The following AUTS2 variants were observed in gnomAD, a reference collection of about 807,000 sequenced individuals.
The protein encoded by AUTS2 is autism susceptibility gene 2 protein.
A neutral mutation model predicts 112.4 loss-of-function variants in AUTS2; 17 were observed. The ratio of observed to expected loss-of-function variants is 0.15; its 90% CI spans 0.10 to 0.23. AUTS2 has a LOEUF of 0.23. Ranked by LOEUF, AUTS2 falls within the 10% of genes least tolerant of loss-of-function variation. AUTS2 has a pLI of 1.00. For synonymous variants in AUTS2, 751 were observed against 702.7 expected, an observed-to-expected ratio of 1.07 and a Z score of -1.09; for missense variants, 1,510 against 1,701.6, an observed-to-expected ratio of 0.89 and a Z score of 1.98.
At chr7:70,625,794 A>G (rs1372028926) in intron 5 of AUTS2, among the ~76,000 whole-genome samples, 3 of 152,234 alleles carry the variant, frequency 2.0e-5, no homozygotes, top group Non-Finnish European at 4.4e-5. Context: ...ACCATATCCA[A>G]TTGTGAGCAA....
At chr7:69,663,835 G>C (rs544624607) in intron 1 of AUTS2, among the ~76,000 whole-genome samples, 1 of 152,290 alleles carries the variant, frequency 6.6e-6, no homozygotes, top group South Asian at 2.1e-4. Flanking sequence ...TGGTAAAAAG[G>C]TAATTTTGCA....
intron 5 of AUTS2, among the ~76,000 whole-genome samples, chr7:70,461,484 C>T (rs1466358001): frequency 6.6e-6 from 1 of 152,148 alleles, no homozygotes; most frequent in African/African-American, 2.4e-5. Flanking sequence ...CGTTCCCACC[C>T]AGGCTTCCCA....
At chr7:70,277,958 ATGTGTGTG>A (rs35350185) in intron 4 of AUTS2, among the ~76,000 whole-genome samples, 1 of 92,276 alleles carries the variant, frequency 1.1e-5, no homozygotes, top group East Asian at 2.9e-4. Flanking sequence ...GTATGTATGT[ATGTGTGTG>A]TGTGTGTGTG....
At chr7:69,817,769 G>A (rs1012678506) in intron 1 of AUTS2, among the ~76,000 whole-genome samples, 1 of 152,174 alleles carries the variant, frequency 6.6e-6, no homozygotes. Flanking sequence ...GGATGTGGGT[G>A]GTCCAGGAGG....
At chr7:70,668,660 T>TC (rs968847638) in intron 5 of AUTS2, among the ~76,000 whole-genome samples, 7 of 152,190 alleles carry the variant, frequency 4.6e-5, no homozygotes, top group African/African-American at 1.7e-4. Flanking sequence ...GGCCTCAAAT[T>TC]CCCCAGCTGG....
intron 2 of AUTS2, among the ~76,000 whole-genome samples, chr7:70,019,646 T>G (rs746506789): frequency 1.3e-5 from 2 of 152,144 alleles, no homozygotes; most frequent in African/African-American, 2.4e-5. Flanking sequence ...CCTTTGTCAT[T>G]TTACTTAACA....
chr7:70,329,139 C>T (rs1172325745), intron 4 of AUTS2, among the ~76,000 whole-genome samples: 1 of 152,098 alleles, frequency 6.6e-6, no homozygotes, highest in Non-Finnish European at 1.5e-5. Context: ...AATAATACTC[C>T]AGTATTTGTA....
chr7:70,435,353 G>T (rs1298322094), intron 4 of AUTS2, among the ~76,000 whole-genome samples: 1 of 152,196 alleles, frequency 6.6e-6, no homozygotes, highest in Non-Finnish European at 1.5e-5. Context: ...TCTTCGTTAA[G>T]AAATTGATTT....
chr7:70,170,013 G>GA lies in AUTS2; in HGVS notation c.660+35445dup, dbSNP rs572714902. 9.9e-5 allele frequency among the ~76,000 whole-genome samples: 15 copies of GA among 151,780 alleles called. No homozygotes were observed. The East Asian group carries it at 2.9e-3, about 29-fold the overall frequency. ...TTGCAGTAATACTTGCTGAAAATTGGAAACTATTAAAAACATTCATTTGCT... is the reference window on the plus strand; with the variant it reads ...TTGCAGTAATACTTGCTGAAAATTGGAAAACTATTAAAAACATTCATTTGCT... On this transcript the variant is annotated intron_variant, in intron 4 of 18. Coordinates refer to ENST00000342771, the MANE Select transcript of AUTS2 (RefSeq NM_015570.4).
At chr7:70,098,916 G>T (rs561853722) in intron 2 of AUTS2, among the ~76,000 whole-genome samples, 1 of 151,976 alleles carries the variant, frequency 6.6e-6, no homozygotes, top group East Asian at 1.9e-4. Context: ...TGGTCAGGCT[G>T]GTCTCAAACT....
rs950310099 is a variant in AUTS2, at chr7:70,513,809, G to A, written c.690+78028G>A. 7.2e-5 allele frequency among the ~76,000 whole-genome samples: 11 copies of A among 151,916 alleles called. No homozygotes were observed. In the South Asian group the frequency reaches 8.4e-4, roughly 12 times the overall value. On this transcript the variant is annotated intron_variant, in intron 5 of 18. Transcript: ENST00000342771. Reference sequence around the variant, plus strand: ...CAGGTAGCTGGAATTACAGGTGTGCGCCACCATGCCCAGCTAATTTTTGTA... The same window carrying A: ...CAGGTAGCTGGAATTACAGGTGTGCACCACCATGCCCAGCTAATTTTTGTA...
intron 12 of AUTS2, 95 bp downstream of exon 12, chr7:70,774,194 T>C: frequency 8.9e-7 from 1 of 1,119,492 alleles, no homozygotes; most frequent in Non-Finnish European, 1.3e-6. Flanking sequence ...CTTAGCTCCT[T>C]TGAGCGAGCT....
At chr7:70,065,620 C>A (rs1321381461) in intron 2 of AUTS2, among the ~76,000 whole-genome samples, 2 of 152,062 alleles carry the variant, frequency 1.3e-5, no homozygotes, top group Non-Finnish European at 2.9e-5. Context: ...TTGCTTGAAC[C>A]CGAGAGGCGG....
At chr7:70,069,879 T>C (rs1464277705) in intron 2 of AUTS2, among the ~76,000 whole-genome samples, 8 of 152,074 alleles carry the variant, frequency 5.3e-5, no homozygotes, top group Non-Finnish European at 1.0e-4. Context: ...AAACATTTGG[T>C]ATGGCTTTTG....
At chr7:69,935,584 C>T (rs904793872) in intron 2 of AUTS2, among the ~76,000 whole-genome samples, 5 of 152,034 alleles carry the variant, frequency 3.3e-5, no homozygotes, top group Non-Finnish European at 7.3e-5. Flanking sequence ...ACTTAACCAA[C>T]AGGAAGAGAA....
chr7:70,071,830 C>A (rs577213432), intron 2 of AUTS2, among the ~76,000 whole-genome samples: 1 of 152,166 alleles, frequency 6.6e-6, no homozygotes. Context: ...GCTGGGGAAG[C>A]ATTTAAGTTA....
At chr7:70,004,322 ATAAT>A (rs922965109) in intron 2 of AUTS2, among the ~76,000 whole-genome samples, 10 of 133,596 alleles carry the variant, frequency 7.5e-5, no homozygotes, top group African/African-American at 1.1e-4. Flanking sequence ...TATTATATAT[ATAAT>A]ATATATATGA....
chr7:70,496,633 A>G (rs1798531521), intron 5 of AUTS2, among the ~76,000 whole-genome samples: 1 of 143,152 alleles, frequency 7.0e-6, no homozygotes, highest in African/African-American at 2.6e-5. Flanking sequence ...ACAGGCACAC[A>G]CACACACCCC....
chr7:69,918,092 C>A (rs984064528), intron 2 of AUTS2, among the ~76,000 whole-genome samples: 1 of 152,106 alleles, frequency 6.6e-6, no homozygotes, highest in East Asian at 1.9e-4. Flanking sequence ...CCACCTGCCT[C>A]GGCCTCCCAA....
Sources: gnomAD v4.1 joint callset for allele counts (sites outside exome capture counted in the v4.1 genomes callset) on GRCh38, gnomAD v4.1.1 for gene constraint, MANE v1.5 for transcripts, NCBI Gene and HGNC (gene_info 2026-07-23, HGNC 2026-07-21) for gene names.